METTL15: variants seen among roughly 807,000 people sequenced by gnomAD.
METTL15 encodes the protein methyltransferase 15, mitochondrial 12S rRNA N4-cytidine, also known as 12S rRNA N(4)-cytidine methyltransferase METTL15.
METTL15 carries 34 observed loss-of-function variants against 38.3 expected under a neutral mutation model. That is an observed-to-expected ratio of 0.89 (90% CI 0.68 to 1.18). The LOEUF is 1.18. Among genes scored for constraint, METTL15 ranks in the 50% most tolerant of loss-of-function variants. METTL15 has a pLI of 0.00. For synonymous variants in METTL15, 162 were observed against 170.9 expected (o/e 0.95, Z 0.41); for missense variants, 438 against 498.4 (o/e 0.88, Z 1.15).
In METTL15 at chr11:28,222,998, A is replaced by G. The variant is rs113355894; in HGVS notation, c.407+11800A>G. On this transcript the variant is annotated intron_variant, in intron 4 of 6. Coordinates refer to ENST00000407364, the MANE Select transcript of METTL15 (RefSeq NM_001113528.2). ...GCAATCAAAATAATAATGGTATAAT[A>G]CTGAAAAACATAATTTTGCTAGTGA... Among the ~76,000 whole-genome samples the G allele has an allele frequency of 1.3e-3, 198 of 152,284 alleles. 2 individuals carry two copies. The highest frequency in any genetic ancestry group is 4.6e-3 in the African/African-American group (190 of 41,566).
At chr11:28,124,682 A>G (rs571164926) in intron 3 of METTL15, among the ~76,000 whole-genome samples, 44 of 152,246 alleles carry the variant, frequency 2.9e-4, no homozygotes, top group Non-Finnish European at 5.7e-4. Context: ...CAAAAACTCC[A>G]TGAATTTCTG....
chr11:28,223,205 A>T (rs888355059), intron 4 of METTL15, among the ~76,000 whole-genome samples: 13 of 152,134 alleles, frequency 8.5e-5, no homozygotes, highest in African/African-American at 3.1e-4. Context: ...AAACTTGAAA[A>T]AGACAGGATT....
intron 6 of METTL15, among the ~76,000 whole-genome samples, chr11:28,454,691 A>G (rs928293162): frequency 2.6e-5 from 4 of 152,326 alleles, no homozygotes; most frequent in African/African-American, 4.8e-5. Context: ...AAATGCGCTT[A>G]TATCAACATA....
intron 4 of METTL15, among the ~76,000 whole-genome samples, chr11:28,356,344 A>T (rs1037819068): frequency 6.6e-6 from 1 of 152,224 alleles, no homozygotes; most frequent in Non-Finnish European, 1.5e-5. Flanking sequence ...AGTAGCTAGC[A>T]CAGTGCCTGG....
intron 3 of METTL15, among the ~76,000 whole-genome samples, chr11:28,141,534 A>C (rs1849697751): frequency 6.6e-6 from 1 of 151,964 alleles, no homozygotes; most frequent in Non-Finnish European, 1.5e-5. Context: ...AAATTAAAAA[A>C]AAAAATTATT....
chr11:28,272,047 T>A (rs945634899), intron 4 of METTL15, among the ~76,000 whole-genome samples: 4 of 152,124 alleles, frequency 2.6e-5, no homozygotes, highest in Admixed American at 6.5e-5. Flanking sequence ...AGAATGGCGA[T>A]CATTAAAAAG....
the METTL15 span, among the ~76,000 whole-genome samples, chr11:28,532,275 C>T: frequency 7.2e-5 from 11 of 152,016 alleles, no homozygotes; most frequent in Non-Finnish European, 1.2e-4. Flanking sequence ...CAGTCTTGAT[C>T]AAGGTGTATA....
chr11:28,470,048 A>G (rs1243775641), intron 6 of METTL15, among the ~76,000 whole-genome samples: 1 of 152,134 alleles, frequency 6.6e-6, no homozygotes, highest in African/African-American at 2.4e-5. Flanking sequence ...AAAAGAAAAA[A>G]ACCTCACAAT....
chr11:28,394,768 C>G (rs1257766875), intron 5 of METTL15, among the ~76,000 whole-genome samples: 1 of 152,034 alleles, frequency 6.6e-6, no homozygotes, highest in African/African-American at 2.4e-5. Context: ...AAAATCCTTA[C>G]CTTTGCTATA....
intron 6 of METTL15, among the ~76,000 whole-genome samples, chr11:28,468,011 C>G (rs144263000): frequency 6.6e-6 from 1 of 152,122 alleles, no homozygotes; most frequent in African/African-American, 2.4e-5. Context: ...TATGCATGAA[C>G]CACCACTCAA....
chr11:28,406,566 A>G, intron 5 of METTL15, among the ~76,000 whole-genome samples: 1 of 152,194 alleles, frequency 6.6e-6, no homozygotes, highest in East Asian at 1.9e-4. Context: ...TATAATAATA[A>G]TAAAAAGAAG....
intron 4 of METTL15, among the ~76,000 whole-genome samples, chr11:28,217,816 A>C (rs886099049): frequency 3.3e-5 from 5 of 152,302 alleles, no homozygotes; most frequent in African/African-American, 7.2e-5. Context: ...TAAATAGGGA[A>C]TCCTTTCTCC....
intron 3 of METTL15, among the ~76,000 whole-genome samples, chr11:28,166,896 T>G (rs1850677053): frequency 6.6e-6 from 1 of 152,094 alleles, no homozygotes; most frequent in Non-Finnish European, 1.5e-5. Context: ...CTGCATTGAG[T>G]CAAGATCGTG....
chr11:28,506,158 G>A (rs4359193), intron 6 of METTL15, among the ~76,000 whole-genome samples: 2 of 151,910 alleles, frequency 1.3e-5, no homozygotes, highest in African/African-American at 2.4e-5. Context: ...TGTACTCTCC[G>A]CTTGCCTCTG....
At chr11:28,380,898 G>A (rs777697236) in intron 5 of METTL15, among the ~76,000 whole-genome samples, 3 of 151,926 alleles carry the variant, frequency 2.0e-5, no homozygotes, top group Non-Finnish European at 4.4e-5. Context: ...TGACCTGTAA[G>A]GTTTCAGTTG....
chr11:28,281,439 G>A (rs947441164), intron 4 of METTL15, among the ~76,000 whole-genome samples: 4 of 152,120 alleles, frequency 2.6e-5, no homozygotes, highest in Non-Finnish European at 5.9e-5. Flanking sequence ...GCCATTAGTG[G>A]AATACCTGCT....
chr11:28,394,626 T>C (rs573800489), intron 5 of METTL15, among the ~76,000 whole-genome samples: 5 of 152,222 alleles, frequency 3.3e-5, no homozygotes, highest in Admixed American at 6.6e-5. Context: ...GCACTGAAGA[T>C]ATTAGATTTA....
chr11:28,226,457 T>C (rs191163576), intron 4 of METTL15, among the ~76,000 whole-genome samples: 1 of 151,974 alleles, frequency 6.6e-6, no homozygotes, highest in Non-Finnish European at 1.5e-5. Context: ...TACAAAAATA[T>C]TTTTTCATAT....
intron 4 of METTL15, among the ~76,000 whole-genome samples, chr11:28,233,446 T>C (rs1013553583): frequency 1.3e-5 from 2 of 152,034 alleles, no homozygotes; most frequent in Non-Finnish European, 2.9e-5. Context: ...TAAATACTCA[T>C]ATATAGACTG....
Sources: allele counts gnomAD v4.1 joint callset (sites outside exome capture counted in the v4.1 genomes callset), GRCh38; gene constraint gnomAD v4.1.1; transcripts MANE v1.5; gene names NCBI Gene and HGNC (gene_info 2026-07-23, HGNC 2026-07-21).